DOT1L: variants seen among roughly 807,000 people sequenced by gnomAD.
DOT1L encodes the protein histone-lysine N-methyltransferase, H3 lysine-79 specific.
A neutral mutation model predicts 153.3 loss-of-function variants in DOT1L; 33 were observed. The observed-to-expected ratio is 0.22, with a 90% CI of 0.16 to 0.29. The LOEUF (loss-of-function observed/expected upper bound fraction) is 0.29, where lower values mean the gene tolerates loss of function less well. Ranked by LOEUF, DOT1L falls within the 10% of genes least tolerant of loss-of-function variation. The probability of loss-of-function intolerance (pLI) is 1.00; values close to 1 mark genes in which losing one functional copy is unlikely to be tolerated. For missense variants in DOT1L, 1,847 were observed against 2,119.9 expected, an observed-to-expected ratio of 0.87 and a Z score of 2.53; for synonymous variants, 1,135 against 965.1, an observed-to-expected ratio of 1.18 and a Z score of -3.26.
chr19:2,208,812 C>A lies in DOT1L; in HGVS notation c.964-123C>A, dbSNP rs756819301. ...GGGGCTCTAGCTGCATGCCTGCTGT[C>A]CCCAGATACCAGAACAGCCTCCCCA... On this transcript the variant is annotated intron_variant, in intron 11 of 27. Coordinates refer to ENST00000398665, the MANE Select transcript of DOT1L (RefSeq NM_032482.3). This position sits in a 1 kb window ranked among gnomAD's most constrained non-coding sequence, Gnocchi z 4.4. The A allele has an allele frequency of 3.4e-5, 34 of 986,224 alleles. No homozygotes were observed. Among genetic ancestry groups the A allele is most frequent in the Non-Finnish European group, 4.9e-5 (32 of 651,246 alleles). The allele number at this position is 986,224 out of a possible 1,614,324, so 61.1% of individuals were successfully genotyped here. A position where few individuals can be genotyped will look rare whatever the true frequency, so the allele number is the denominator to read the frequency against.
At position 2,222,716 on chromosome 19, in the gene DOT1L, C is replaced by T. The variant is rs143440117; in HGVS notation, c.3390+157C>T. ...GACATCAAGACCATCCTGGCTAACA[C>T]GGTGAAACCCCGTCTCTACCAAAAA... On this transcript the variant is annotated intron_variant, in intron 24 of 27. Transcript: ENST00000398665. The surrounding 1 kb of genome is among the most constrained non-coding windows in gnomAD (Gnocchi z 6.5). 0.012 allele frequency: 8,307 copies of T among 715,198 alleles called. 66 individuals are homozygous for T. Among genetic ancestry groups the T allele is most frequent in the Non-Finnish European group, 0.016 (7,396 of 452,290 alleles). 44.3% of individuals were successfully genotyped at this position (715,198 alleles called of 1,614,324 possible). A position where few individuals can be genotyped will look rare whatever the true frequency, so the allele number is the denominator to read the frequency against.
At position 2,229,867 on chromosome 19, in the gene DOT1L, G is replaced by A. The variant is rs1367665055; in HGVS notation, c.*75G>A. 6.2e-7 allele frequency: 1 copy of A among 1,610,506 alleles called. No individual in the cohort carries two copies. The highest frequency in any genetic ancestry group is 1.3e-5 in the African/African-American group (1 of 74,912). ...CGCGCCCGCGGCATGGTGCCCGCCG[G>A]CCTGCCGGGCTCCCACCCCTGGACG... On this transcript the variant is annotated 3_prime_UTR_variant, in exon 28 of 28. Transcript: ENST00000398665.
chr19:2,176,465 C>G (rs1329536405), intron 1 of DOT1L, among the ~76,000 whole-genome samples: 1 of 152,198 alleles, frequency 6.6e-6, no homozygotes, highest in African/African-American at 2.4e-5. Context: ...TTTAGAAGTA[C>G]ACTTACGTGG....
Position 2,216,973 on chromosome 19 carries a change from G to A in DOT1L, c.2427G>A (p.Glu809=). The change falls in exon 21 of 28, where the codon GAG becomes GAA. Residue 809 remains glutamate, a synonymous_variant. Transcript: ENST00000398665. Reference sequence around the variant, plus strand: ...ATTCCAGAGCTGAGCACACCAAGGAGAACGGCCTTCCCTACCAGAGCCCCA... The same window carrying A: ...ATTCCAGAGCTGAGCACACCAAGGAAAACGGCCTTCCCTACCAGAGCCCCA... The part of the protein sequence containing the change: ...ELHSRAEHTK[E]NGLPYQSPSV... The A allele has an allele frequency of 1.9e-6, 3 of 1,612,890 alleles. No homozygotes were observed. Among genetic ancestry groups the A allele is most frequent in the East Asian group, 2.2e-5 (1 of 44,870 alleles).
Position 2,211,856 on chromosome 19 carries a change from C to T in DOT1L, c.1557+14C>T. On this transcript the variant is annotated intron_variant, in intron 16 of 27. Coordinates refer to ENST00000398665, the MANE Select transcript of DOT1L (RefSeq NM_032482.3). ...GGCCAGGAGAAGGTGGGTCCTGGCC[C>T]CCTTGGCATTCCGCCTTCCCGCACA... The T allele has an allele frequency of 1.3e-6, 2 of 1,553,780 alleles. No individual in the cohort carries two copies. Among genetic ancestry groups the T allele is most frequent in the Non-Finnish European group, 1.7e-6 (2 of 1,149,104 alleles).
In DOT1L at chr19:2,197,942, C is replaced by T. The variant is rs1344424891; in HGVS notation, c.652-1942C>T. ...AAACCCTCGGAGCAACTCTCTGTGG[C>T]TTTGCCTGTGCTCCACTTGGGAGGC... On this transcript the variant is annotated intron_variant, in intron 7 of 27. Transcript: ENST00000398665. This position sits in a 1 kb window ranked among gnomAD's most constrained non-coding sequence, Gnocchi z 4.1. Among the ~76,000 whole-genome samples, 1 of 152,200 alleles carries T rather than the reference C, an allele frequency of 6.6e-6. No individual in the cohort carries two copies. Among genetic ancestry groups the T allele is most frequent in the Non-Finnish European group, 1.5e-5 (1 of 68,030 alleles).
chr19:2,181,373 C>A (rs904104338), intron 2 of DOT1L, among the ~76,000 whole-genome samples: 1 of 152,206 alleles, frequency 6.6e-6, no homozygotes, highest in African/African-American at 2.4e-5. Context: ...CCTTAGCATA[C>A]TGGGCTGTGA....
chr19:2,227,771 T>G, intron 27 of DOT1L: 2 of 1,320,218 alleles, frequency 1.5e-6, no homozygotes, highest in Non-Finnish European at 2.0e-6. Context: ...CCGCCTCTGC[T>G]CATCCGTTTG....
At chr19:2,164,880 C>G (rs538497361) in intron 1 of DOT1L, among the ~76,000 whole-genome samples, 1 of 152,156 alleles carries the variant, frequency 6.6e-6, no homozygotes, top group African/African-American at 2.4e-5. Context: ...ACCTGTTAAT[C>G]CTAGTTGGTT....
At chr19:2,184,742 C>G (rs527274627) in intron 2 of DOT1L, among the ~76,000 whole-genome samples, 3 of 152,316 alleles carry the variant, frequency 2.0e-5, no homozygotes, top group Admixed American at 2.0e-4. Flanking sequence ...TTTCCGTACT[C>G]GCCCACACGG....
intron 22 of DOT1L, among the ~76,000 whole-genome samples, chr19:2,218,821 C>T (rs1034179165): frequency 1.3e-5 from 2 of 152,124 alleles, no homozygotes; most frequent in East Asian, 1.9e-4. Context: ...CTCAGCCTCC[C>T]GAGTAGCTGG....
chr19:2,193,819 A>AG lies in DOT1L; in HGVS notation c.588+40dup, dbSNP rs1491161572. ...CTGAGGGCCAGGGTGTGTTGGAGGC[A>AG]GGGGACCATCAGAGAAAGTGACGCC... On this transcript the variant is annotated intron_variant, in intron 6 of 27. Coordinates refer to ENST00000398665, the MANE Select transcript of DOT1L (RefSeq NM_032482.3). The surrounding 1 kb of genome is among the most constrained non-coding windows in gnomAD (Gnocchi z 5.9). 6.9e-6 allele frequency: 11 copies of AG among 1,602,648 alleles called. No individual in the cohort carries two copies. The highest frequency in any genetic ancestry group is 2.7e-5 in the African/African-American group (2 of 74,786).
chr19:2,194,623 C>CCGCTCCCACCCT lies in DOT1L; in HGVS notation c.651+48_651+59dup, dbSNP rs765521419. 9 of 1,592,156 alleles carry CCGCTCCCACCCT rather than the reference C, an allele frequency of 5.7e-6. No homozygotes were observed. In the African/African-American group the frequency reaches 1.2e-4, roughly 21 times the overall value. On this transcript the variant is annotated intron_variant, in intron 7 of 27. Coordinates refer to ENST00000398665, the MANE Select transcript of DOT1L (RefSeq NM_032482.3). Reference sequence around the variant, plus strand: ...CCGGCTCCCATCGCCGGCCCCACCCCCGCTCCCACCCTCCTGTCAGCCCCT... The same window carrying CCGCTCCCACCCT: ...CCGGCTCCCATCGCCGGCCCCACCCCCGCTCCCACCCTCGCTCCCACCCTCCTGTCAGCCCCT...
chr19:2,183,039 G>A (rs2022315259), intron 2 of DOT1L, among the ~76,000 whole-genome samples: 4 of 152,162 alleles, frequency 2.6e-5, no homozygotes, highest in Admixed American at 2.6e-4. Flanking sequence ...TCCCCAGCAT[G>A]TGGCCAGGGT....
At chr19:2,187,916 C>T (rs1415163159) in intron 3 of DOT1L, among the ~76,000 whole-genome samples, 2 of 94,018 alleles carry the variant, frequency 2.1e-5, no homozygotes, top group Non-Finnish European at 4.2e-5. Flanking sequence ...AGCGAGACTC[C>T]ATCTCAGAAA....
intron 8 of DOT1L, among the ~76,000 whole-genome samples, chr19:2,201,972 C>T (rs139553480): frequency 5.3e-5 from 8 of 152,328 alleles, no homozygotes; most frequent in African/African-American, 1.2e-4. Flanking sequence ...GTCTGACTCA[C>T]GATGGTGGTG....
chr19:2,228,781 G>T, intron 27 of DOT1L: 1 of 985,406 alleles, frequency 1.0e-6, no homozygotes. Context: ...GCGTGGCTTG[G>T]TGCTGTTCCC....
intron 7 of DOT1L, among the ~76,000 whole-genome samples, chr19:2,198,360 C>T (rs557871152): frequency 1.8e-4 from 28 of 152,300 alleles, no homozygotes; most frequent in African/African-American, 6.0e-4. Flanking sequence ...CCTCCCATCC[C>T]GTCTCCTCCC....
intron 7 of DOT1L, among the ~76,000 whole-genome samples, chr19:2,198,092 G>T (rs1203827025): frequency 6.6e-6 from 1 of 152,228 alleles, no homozygotes; most frequent in Non-Finnish European, 1.5e-5. Flanking sequence ...CACGGTGTTT[G>T]CAGGAACAGC....
Sources: allele counts gnomAD v4.1 joint callset (sites outside exome capture counted in the v4.1 genomes callset), GRCh38; gene constraint gnomAD v4.1.1; non-coding constraint Gnocchi (gnomAD v3.1); transcripts MANE v1.5; gene names NCBI Gene and HGNC (gene_info 2026-07-23, HGNC 2026-07-21).